Variants in BEND6 observed in about 807,000 individuals in gnomAD.
The protein encoded by BEND6 is BEN domain-containing protein 6.
Under a neutral mutation model 31.8 loss-of-function variants are expected in BEND6, and 24 were observed. That is an observed-to-expected ratio of 0.75 (90% CI 0.55 to 1.06). The LOEUF is 1.06. Among genes scored for constraint, BEND6 ranks in the 50% least tolerant of loss-of-function variants. BEND6 has a pLI of 0.00. For synonymous variants in BEND6, 109 were observed against 114.6 expected (o/e 0.95, Z 0.31); for missense variants, 294 against 327.4 (o/e 0.90, Z 0.79).
intron 4 of BEND6, 129 bp from the exon 5 acceptor site, chr6:57,017,078 A>AATAT (rs1165233868): frequency 9.7e-6 from 3 of 308,774 alleles, no homozygotes; most frequent in Non-Finnish European, 1.7e-5. Flanking sequence ...TATATATTAA[A>AATAT]ATATATATAT....
chr6:56,985,916 G>C (rs1351720629), intron 2 of BEND6, among the ~76,000 whole-genome samples: 1 of 152,214 alleles, frequency 6.6e-6, no homozygotes, highest in African/African-American at 2.4e-5. Flanking sequence ...TCTAATATGT[G>C]TCTGTTAACT....
At chr6:57,017,538 T>G in intron 5 of BEND6, 139 bp downstream of exon 5, 1 of 663,924 alleles carries the variant, frequency 1.5e-6, no homozygotes, top group Non-Finnish European at 2.1e-6. Flanking sequence ...AGTCTAAAGC[T>G]CTCATTAAAT....
chr6:56,981,185 TC>T (rs1380301760), intron 1 of BEND6, among the ~76,000 whole-genome samples: 1 of 152,220 alleles, frequency 6.6e-6, no homozygotes, highest in South Asian at 2.1e-4. Flanking sequence ...TTGAGATTTT[TC>T]CCCCATTTCT....
At chr6:56,965,901 A>G (rs1417466235) in intron 1 of BEND6, among the ~76,000 whole-genome samples, 1 of 152,080 alleles carries the variant, frequency 6.6e-6, no homozygotes, top group Non-Finnish European at 1.5e-5. Context: ...TTAATGTTGT[A>G]GAATACATTT....
intron 4 of BEND6, among the ~76,000 whole-genome samples, chr6:57,016,563 A>G (rs1006782627): frequency 2.6e-5 from 4 of 152,154 alleles, no homozygotes; most frequent in African/African-American, 9.7e-5. Flanking sequence ...GGCCATTCCT[A>G]CTTCTAGAAG....
intron 1 of BEND6, among the ~76,000 whole-genome samples, chr6:56,965,583 G>T (rs921336488): frequency 4.0e-5 from 6 of 151,196 alleles, no homozygotes; most frequent in African/African-American, 1.5e-4. Flanking sequence ...GATCTCTTGA[G>T]CCTAGAAGTT....
intron 3 of BEND6, among the ~76,000 whole-genome samples, chr6:57,000,052 C>T (rs376907359): frequency 5.9e-5 from 9 of 151,858 alleles, no homozygotes; most frequent in African/African-American, 1.5e-4. Context: ...TGCCTCTGCC[C>T]GGCCGCCCCG....
intron 1 of BEND6, among the ~76,000 whole-genome samples, chr6:56,981,013 C>T (rs1271307532): frequency 6.6e-6 from 1 of 152,086 alleles, no homozygotes; most frequent in Non-Finnish European, 1.5e-5. Flanking sequence ...GAGGTTTTAC[C>T]ATATTTCCCA....
chr6:57,020,615 T>C (rs905829704), intron 6 of BEND6, among the ~76,000 whole-genome samples: 2 of 151,994 alleles, frequency 1.3e-5, no homozygotes, highest in Non-Finnish European at 2.9e-5. Flanking sequence ...GAGACGGGGG[T>C]TTCACCATGT....
chr6:56,983,205 A>G (rs1826130655), intron 2 of BEND6, among the ~76,000 whole-genome samples: 1 of 152,218 alleles, frequency 6.6e-6, no homozygotes, highest in Non-Finnish European at 1.5e-5. Flanking sequence ...GGTATATAAC[A>G]TCACGTTATA....
intron 1 of BEND6, among the ~76,000 whole-genome samples, chr6:56,976,588 A>G (rs561924373): frequency 9.9e-5 from 15 of 151,678 alleles, no homozygotes; most frequent in Non-Finnish European, 1.9e-4. Context: ...TGTTTGAGCC[A>G]GAGTCTTGCT....
intron 1 of BEND6, among the ~76,000 whole-genome samples, chr6:56,965,676 TTATATATATATA>T (rs35074783): frequency 7.3e-6 from 1 of 136,560 alleles, no homozygotes. Flanking sequence ...ACAAAAAAAT[TTATATATATATA>T]TATATATATA....
At chr6:56,959,318 A>G (rs950164378) in intron 1 of BEND6, among the ~76,000 whole-genome samples, 1 of 152,208 alleles carries the variant, frequency 6.6e-6, no homozygotes, top group Non-Finnish European at 1.5e-5. Context: ...TTAGGGAAAG[A>G]TAAGGAATGT....
intron 1 of BEND6, among the ~76,000 whole-genome samples, chr6:56,975,349 A>G (rs547415970): frequency 6.6e-6 from 1 of 152,336 alleles, no homozygotes; most frequent in East Asian, 1.9e-4. Context: ...AAAACTAAGA[A>G]GAAAATGCCT....
intron 1 of BEND6, among the ~76,000 whole-genome samples, chr6:56,972,674 T>C (rs1447004480): frequency 6.6e-6 from 1 of 152,216 alleles, no homozygotes; most frequent in African/African-American, 2.4e-5. Context: ...TACAGCACTC[T>C]AAGCACTTAA....
At chr6:56,986,531 A>G (rs1002396790) in intron 2 of BEND6, among the ~76,000 whole-genome samples, 11 of 152,220 alleles carry the variant, frequency 7.2e-5, no homozygotes, top group Non-Finnish European at 1.5e-4. Flanking sequence ...TGTGTTTTCT[A>G]TAACTGATCT....
chr6:56,997,432 C>T (rs1826761657), intron 3 of BEND6, among the ~76,000 whole-genome samples: 1 of 152,194 alleles, frequency 6.6e-6, no homozygotes, highest in South Asian at 2.1e-4. Context: ...CCACCACATA[C>T]ACACACACTA....
chr6:57,022,845 G>A (rs1334395412), intron 6 of BEND6, among the ~76,000 whole-genome samples: 4 of 151,998 alleles, frequency 2.6e-5, no homozygotes, highest in African/African-American at 9.7e-5. Context: ...ATTTACATTT[G>A]TTTCAAGAAA....
At chr6:56,973,838 T>A (rs1249571053) in intron 1 of BEND6, among the ~76,000 whole-genome samples, 1 of 152,198 alleles carries the variant, frequency 6.6e-6, no homozygotes, top group African/African-American at 2.4e-5. Flanking sequence ...CTCCACAGCC[T>A]CAGCTTCCCA....
Sources: gnomAD v4.1 joint callset for allele counts (sites outside exome capture counted in the v4.1 genomes callset) on GRCh38, gnomAD v4.1.1 for gene constraint, MANE v1.5 for transcripts, NCBI Gene and HGNC (gene_info 2026-07-23, HGNC 2026-07-21) for gene names.